Variants in ELMO1 observed in about 807,000 individuals in gnomAD.
ELMO1 encodes engulfment and cell motility protein 1.
Under a neutral mutation model 98.9 loss-of-function variants are expected in ELMO1, and 26 were observed. The ratio of observed to expected loss-of-function variants is 0.26; its 90% confidence interval spans 0.19 to 0.36. ELMO1 has a LOEUF of 0.36. ELMO1 is among the 10% of genes least tolerant of loss of function. The pLI is 1.00. For synonymous variants in ELMO1, 346 were observed against 346.0 expected, an observed-to-expected ratio of 1.00 and a Z score of 0.00; for missense variants, 627 against 935.2, an observed-to-expected ratio of 0.67 and a Z score of 4.30.
At chr7:36,946,163 C>T (rs903485259) in intron 16 of ELMO1, among the ~76,000 whole-genome samples, 13 of 152,248 alleles carry the variant, frequency 8.5e-5, no homozygotes, top group Non-Finnish European at 1.8e-4. Context: ...CCATCTGTGG[C>T]GTTTCTGCAG....
intron 13 of ELMO1, among the ~76,000 whole-genome samples, chr7:37,156,257 T>C (rs1347597839): frequency 6.6e-6 from 1 of 151,776 alleles, no homozygotes; most frequent in Non-Finnish European, 1.5e-5. Flanking sequence ...ACAACACAAT[T>C]AAAAGAACTA....
chr7:37,278,113 C>CTTTTTTTTT (rs36110041), intron 4 of ELMO1, among the ~76,000 whole-genome samples: 6 of 85,608 alleles, frequency 7.0e-5, no homozygotes, highest in African/African-American at 1.4e-4. Flanking sequence ...ATAGCTTTTC[C>CTTTTTTTTT]TTTTTTTTTT....
intron 15 of ELMO1, among the ~76,000 whole-genome samples, chr7:37,036,806 T>G (rs1236983703): frequency 6.6e-6 from 1 of 152,144 alleles, no homozygotes; most frequent in African/African-American, 2.4e-5. Context: ...ATATTGGAGT[T>G]GGAGGAAAGC....
In ELMO1 at chr7:37,225,046, G is replaced by A. The variant is rs746653482; in HGVS notation, c.550-16C>T. The A allele has an allele frequency of 1.2e-6, 2 of 1,613,878 alleles. No homozygotes were observed. Among genetic ancestry groups the A allele is most frequent in the Non-Finnish European group, 1.7e-6 (2 of 1,179,864 alleles). On this transcript the variant is annotated splice_polypyrimidine_tract_variant and intron_variant, in intron 8 of 21. Coordinates refer to ENST00000310758, the MANE Select transcript of ELMO1 (RefSeq NM_014800.11). Reference sequence around the variant, plus strand: ...AACTTGCTATCTGAAAATCCAAGTGGGACACAATTGACTGCTCGTGGTAAG... The same window carrying A: ...AACTTGCTATCTGAAAATCCAAGTGAGACACAATTGACTGCTCGTGGTAAG...
At chr7:37,229,013 A>C (rs1794020383) in intron 8 of ELMO1, among the ~76,000 whole-genome samples, 1 of 152,070 alleles carries the variant, frequency 6.6e-6, no homozygotes, top group South Asian at 2.1e-4. Context: ...AAAACAAAAA[A>C]CCAGCCATGG....
intron 13 of ELMO1, among the ~76,000 whole-genome samples, chr7:37,176,054 A>C (rs1790480777): frequency 6.6e-6 from 1 of 152,208 alleles, no homozygotes; most frequent in African/African-American, 2.4e-5. Context: ...TATACAGGAG[A>C]TCGTGGCTGG....
At chr7:36,953,205 G>C (rs1448827762) in intron 16 of ELMO1, among the ~76,000 whole-genome samples, 1 of 151,852 alleles carries the variant, frequency 6.6e-6, no homozygotes, top group Non-Finnish European at 1.5e-5. Context: ...TGACATCGTG[G>C]ATCCACCCAC....
At chr7:37,064,146 C>A (rs1268122053) in intron 15 of ELMO1, among the ~76,000 whole-genome samples, 1 of 152,160 alleles carries the variant, frequency 6.6e-6, no homozygotes, top group Non-Finnish European at 1.5e-5. Context: ...CAAACCATCA[C>A]CTGGGCCCTT....
chr7:36,984,914 C>T, intron 16 of ELMO1: 1 of 985,424 alleles, frequency 1.0e-6, no homozygotes, highest in Non-Finnish European at 1.2e-6. Context: ...AATGGCATTA[C>T]CTTTCCTCTC....
chr7:37,168,989 C>A (rs897350670), intron 13 of ELMO1, among the ~76,000 whole-genome samples: 2 of 152,174 alleles, frequency 1.3e-5, no homozygotes, highest in Non-Finnish European at 2.9e-5. Context: ...GTGGTGGGCT[C>A]CAACCAGTTC....
At chr7:37,188,661 C>T (rs1791394558) in intron 13 of ELMO1, among the ~76,000 whole-genome samples, 1 of 151,648 alleles carries the variant, frequency 6.6e-6, no homozygotes, top group Non-Finnish European at 1.5e-5. Context: ...AGTTATGAAA[C>T]GGCCTAGGCG....
rs150258786 is a variant in ELMO1, at chr7:37,154,685, G to C, written c.1087-21451C>G. On this transcript the variant is annotated intron_variant, in intron 13 of 21. Coordinates refer to ENST00000310758, the MANE Select transcript of ELMO1 (RefSeq NM_014800.11). The stretch of plus-strand genomic sequence containing the variant: ...TATGTGAAAGACCAAATCTACATTT[G>C]ACTAGTGCACCTGCAAATGACGGGG... Among the ~76,000 whole-genome samples the C allele has an allele frequency of 1.5e-4, 23 of 152,316 alleles. No individual in the cohort carries two copies. The East Asian group carries it at 4.4e-3, about 29-fold the overall frequency.
chr7:36,936,363 G>A (rs191675335), intron 16 of ELMO1, among the ~76,000 whole-genome samples: 9 of 152,302 alleles, frequency 5.9e-5, no homozygotes, highest in Admixed American at 3.3e-4. Flanking sequence ...GGAATCATGG[G>A]GAAATGGGCT....
chr7:37,125,712 G>A (rs1301060465), intron 14 of ELMO1, among the ~76,000 whole-genome samples: 2 of 152,224 alleles, frequency 1.3e-5, no homozygotes, highest in African/African-American at 4.8e-5. Flanking sequence ...CTATAAACTG[G>A]TTCAACCATT....
intron 5 of ELMO1, among the ~76,000 whole-genome samples, chr7:37,262,685 G>A (rs1317716395): frequency 1.3e-5 from 2 of 152,182 alleles, no homozygotes; most frequent in Non-Finnish European, 2.9e-5. Context: ...TGAACAACTG[G>A]AGGAGACACA....
chr7:37,179,816 C>T (rs1004903673), intron 13 of ELMO1, among the ~76,000 whole-genome samples: 1 of 152,078 alleles, frequency 6.6e-6, no homozygotes, highest in Non-Finnish European at 1.5e-5. Context: ...AATTTATTCT[C>T]AAGGTAGCGA....
At chr7:37,090,934 G>A (rs1784047231) in intron 15 of ELMO1, among the ~76,000 whole-genome samples, 1 of 152,162 alleles carries the variant, frequency 6.6e-6, no homozygotes, top group Admixed American at 6.5e-5. Flanking sequence ...TCATAGAGGT[G>A]CCCTACAGTT....
chr7:37,192,970 G>A (rs925515950), intron 13 of ELMO1, among the ~76,000 whole-genome samples: 5 of 40,098 alleles, frequency 1.2e-4, no homozygotes, highest in African/African-American at 2.6e-4. Flanking sequence ...ATATATAGGA[G>A]ATATATATAT....
chr7:37,425,419 G>T (rs549196859), intron 1 of ELMO1, among the ~76,000 whole-genome samples: 7 of 152,216 alleles, frequency 4.6e-5, no homozygotes, highest in African/African-American at 1.7e-4. Flanking sequence ...ATTTGGAGGC[G>T]TGGGGGTGTG....
Sources: gnomAD v4.1 joint callset for allele counts (sites outside exome capture counted in the v4.1 genomes callset) on GRCh38, gnomAD v4.1.1 for gene constraint, MANE v1.5 for transcripts, NCBI Gene and HGNC (gene_info 2026-07-23, HGNC 2026-07-21) for gene names.